Variants in ABCA4 observed in about 807,000 individuals in gnomAD.
ABCA4 encodes the protein ATP binding cassette subfamily A member 4, also known as retinal-specific phospholipid-transporting ATPase ABCA4.
A neutral mutation model predicts 263.7 loss-of-function variants in ABCA4; 196 were observed. The ratio of observed to expected loss-of-function variants is 0.74; its 90% CI spans 0.66 to 0.84. The LOEUF (loss-of-function observed/expected upper bound fraction) is 0.84. ABCA4 is among the 40% of genes least tolerant of loss of function. The pLI is 0.00. For synonymous variants in ABCA4, 1,133 were observed against 1,094.2 expected, an observed-to-expected ratio of 1.04 and a Z score of -0.70; for missense variants, 2,792 against 2,855.1, an observed-to-expected ratio of 0.98 and a Z score of 0.50.
intron 41 of ABCA4, 68 bp downstream of exon 41, chr1:94,008,683 G>C: frequency 6.2e-7 from 1 of 1,608,636 alleles, no homozygotes. Flanking sequence ...TTCTATAGAA[G>C]GAAAATGGCA....
chr1:94,116,428 G>A (rs868320676), intron 1 of ABCA4, among the ~76,000 whole-genome samples: 3 of 152,122 alleles, frequency 2.0e-5, no homozygotes, highest in South Asian at 2.1e-4. Context: ...TTTTTAACAC[G>A]TCTCAGGTAG....
At chr1:94,119,438 G>A (rs989997667) in intron 1 of ABCA4, among the ~76,000 whole-genome samples, 8 of 152,164 alleles carry the variant, frequency 5.3e-5, no homozygotes, top group Non-Finnish European at 1.0e-4. Flanking sequence ...GTTGAAGCGT[G>A]TCCCATGCTG....
chr1:94,030,965 A>C, intron 28 of ABCA4, 31 bp downstream of exon 28: 2 of 1,613,728 alleles, frequency 1.2e-6, no homozygotes, highest in Non-Finnish European at 8.5e-7. Flanking sequence ...CCAAACCCAC[A>C]GAGGAGAATG....
chr1:94,109,993 T>G (rs775883624), intron 3 of ABCA4, among the ~76,000 whole-genome samples: 1 of 152,082 alleles, frequency 6.6e-6, no homozygotes, highest in Non-Finnish European at 1.5e-5. Flanking sequence ...CTATAGACAC[T>G]GCCAGGGCCG....
chr1:94,060,958 T>C (rs777292098), intron 13 of ABCA4, among the ~76,000 whole-genome samples, 199 bp from the exon 14 acceptor site: 7 of 152,254 alleles, frequency 4.6e-5, no homozygotes, highest in Non-Finnish European at 7.3e-5. Context: ...TTTTTGTTTA[T>C]AGCAGAGTGC....
Position 94,010,864 on chromosome 1 carries a change from C to G in ABCA4, c.5650G>C (p.Val1884Leu). ...LIGKNLFAMV[V>L]EGVVYFLLTL... ...AGGAGGAAGTACACCACCCCTTCCA[C>G]CACCATGGCAAACAGGTTCTTCCCA... The change falls in exon 40 of 50, where the codon GTG (valine) becomes CTG (leucine). Residue 1884 changes from valine (V) to leucine (L), a missense_variant. By Grantham distance (32) the Val-to-Leu change is conservative. Transcript: ENST00000370225. 6.2e-7 allele frequency: 1 copy of G among 1,614,150 alleles called. No homozygotes were observed. The highest frequency in any genetic ancestry group is 1.1e-5 in the South Asian group (1 of 91,084).
chr1:94,115,046 C>A (rs895450252), intron 1 of ABCA4, among the ~76,000 whole-genome samples: 1 of 152,206 alleles, frequency 6.6e-6, no homozygotes, highest in African/African-American at 2.4e-5. Flanking sequence ...AGGTCACCAA[C>A]AGTCTGTAGA....
chr1:94,007,878 G>T (rs1453473590), intron 42 of ABCA4, 138 bp from the exon 43 acceptor site: 16 of 773,890 alleles, frequency 2.1e-5, no homozygotes, highest in Non-Finnish European at 3.6e-5. Context: ...GCCATATGTG[G>T]CTACTAAGCA....
rs1015422889 is a variant in ABCA4 at position 94,030,535 on chromosome 1, A to G, written c.4254-9T>C. Reference sequence around the variant, plus strand: ...TGCCTGGTTCATCCATGCTAGACAGAGTGAGACATGTGACTGGGACAGAGC... The same window carrying G: ...TGCCTGGTTCATCCATGCTAGACAGGGTGAGACATGTGACTGGGACAGAGC... On this transcript the variant is annotated splice_polypyrimidine_tract_variant and intron_variant, in intron 28 of 49. Transcript: ENST00000370225. 6.2e-7 allele frequency: 1 copy of G among 1,613,622 alleles called. No homozygotes were observed. The highest frequency in any genetic ancestry group is 1.3e-5 in the African/African-American group (1 of 75,048).
chr1:94,005,414 A>T, intron 44 of ABCA4, 27 bp downstream of exon 44: 1 of 1,613,978 alleles, frequency 6.2e-7, no homozygotes. Flanking sequence ...CCAGACTCCT[A>T]TGTGGCCACA....
intron 6 of ABCA4, among the ~76,000 whole-genome samples, chr1:94,097,905 A>G (rs569941329): frequency 5.9e-4 from 89 of 152,132 alleles, no homozygotes; most frequent in African/African-American, 2.0e-3. Context: ...GCCCGCCACC[A>G]CACCTGGCTA....
At position 94,021,322 on chromosome 1, in the gene ABCA4, C is replaced by A. The variant is rs903548005; in HGVS notation, c.4936G>T (p.Asp1646Tyr). ...ATTCCATACTCCTCGGGGCTCCTGT[C>A]CTTAGGCAGGCTGGCCCGTAAGATG... is the stretch of plus-strand genomic sequence containing the variant. ...NAILRASLPKDRSPEEYGITV... is the reference protein window; with the variant it reads ...NAILRASLPKYRSPEEYGITV... Residue 1646 changes from aspartate (D) to tyrosine (Y), a missense_variant, in exon 35 of 50, where the codon GAC (aspartate) becomes TAC (tyrosine). Physicochemically the swap from Asp to Tyr is radical, Grantham distance 160. Coordinates refer to ENST00000370225, the MANE Select transcript of ABCA4 (RefSeq NM_000350.3). 6.8e-6 allele frequency: 11 copies of A among 1,614,030 alleles called. No homozygotes were observed. Among genetic ancestry groups the A allele is most frequent in the African/African-American group, 1.3e-5 (1 of 74,904 alleles).
At chr1:94,048,524 T>A (rs989330844) in intron 18 of ABCA4, among the ~76,000 whole-genome samples, 1 of 152,234 alleles carries the variant, frequency 6.6e-6, no homozygotes, top group Non-Finnish European at 1.5e-5. Context: ...ATAGCTCATA[T>A]CCGCTTTAAG....
At chr1:94,008,414 A>G in intron 41 of ABCA4, 117 bp from the exon 42 acceptor site, 1 of 1,039,684 alleles carries the variant, frequency 9.6e-7, no homozygotes, top group Non-Finnish European at 1.5e-6. Flanking sequence ...AGGAGGTTAC[A>G]TATTGACATG....
intron 43 of ABCA4, 75 bp downstream of exon 43, chr1:94,007,556 GGTC>G: frequency 2.3e-6 from 3 of 1,306,424 alleles, no homozygotes; most frequent in Non-Finnish European, 3.3e-6. Flanking sequence ...CCTACTATAG[GGTC>G]TGATGATCAC....
intron 31 of ABCA4, 116 bp downstream of exon 31, chr1:94,024,838 G>GA (rs1192233018): frequency 8.6e-6 from 8 of 931,354 alleles, no homozygotes; most frequent in Non-Finnish European, 1.3e-5. Context: ...AGATAAAAAA[G>GA]AAAAAAATCT....
chr1:94,080,304 C>A (rs903822912), intron 8 of ABCA4, among the ~76,000 whole-genome samples, 174 bp downstream of exon 8: 1 of 152,144 alleles, frequency 6.6e-6, no homozygotes, highest in Admixed American at 6.5e-5. Context: ...TGCTTATAAG[C>A]AATGCCCCCT....
At chr1:94,041,503 A>C in intron 22 of ABCA4, 101 bp from the exon 23 acceptor site, 1 of 1,273,446 alleles carries the variant, frequency 7.9e-7, no homozygotes, top group Non-Finnish European at 1.1e-6. Context: ...TGCAAAAATC[A>C]GGAGTTAACT....
In ABCA4 at chr1:94,021,339, C is replaced by T. The variant is rs61751403; in HGVS notation, c.4919G>A (p.Arg1640Gln). The change falls in exon 35 of 50, where the codon CGG (arginine) becomes CAG (glutamine). Residue 1640 changes from arginine (R) to glutamine (Q), a missense_variant. Transcript: ENST00000370225. ...FLNVAHNAILRASLPKDRSPE... is the reference protein window; with the variant it reads ...FLNVAHNAILQASLPKDRSPE... ...GCTCCTGTCCTTAGGCAGGCTGGCCCGTAAGATGGCGTTGTGGGCCACATT... is the reference window on the plus strand; with the variant it reads ...GCTCCTGTCCTTAGGCAGGCTGGCCTGTAAGATGGCGTTGTGGGCCACATT... 29 of 1,614,020 alleles carry T rather than the reference C, an allele frequency of 1.8e-5. No individual in the cohort carries two copies. The highest frequency in any genetic ancestry group is 6.7e-5 in the Admixed American group (4 of 60,010).
Sources: gnomAD v4.1 joint callset for allele counts (sites outside exome capture counted in the v4.1 genomes callset) on GRCh38, gnomAD v4.1.1 for gene constraint, MANE v1.5 for transcripts, NCBI Gene and HGNC (gene_info 2026-07-23, HGNC 2026-07-21) for gene names.